Variants in SV2C observed in about 807,000 individuals in gnomAD.
SV2C encodes the protein synaptic vesicle glycoprotein 2C.
In SV2C, 49 loss-of-function variants were observed where a neutral mutation model predicts 79.7. The ratio of observed to expected loss-of-function variants is 0.61; its 90% CI spans 0.49 to 0.78. The LOEUF (loss-of-function observed/expected upper bound fraction) is 0.78. SV2C is among the 30% of genes least tolerant of loss of function. The probability of loss-of-function intolerance (pLI) is 0.00; values close to 1 mark genes in which losing one functional copy is unlikely to be tolerated. For missense variants in SV2C, 833 were observed against 912.9 expected (o/e 0.91, Z 1.13); for synonymous variants, 334 against 333.2 (o/e 1.00, Z -0.03).
At chr5:75,884,951 C>G in the SV2C span, among the ~76,000 whole-genome samples, 2 of 151,936 alleles carry the variant, frequency 1.3e-5, no homozygotes, top group African/African-American at 4.8e-5. Context: ...ATTTAAGATG[C>G]TAAATAACAC....
the SV2C span, among the ~76,000 whole-genome samples, chr5:75,935,159 C>T: frequency 6.6e-6 from 1 of 151,998 alleles, no homozygotes; most frequent in South Asian, 2.1e-4. Context: ...AATAGATATT[C>T]AAAATTGAAT....
At chr5:75,925,293 C>T in the SV2C span, among the ~76,000 whole-genome samples, 1 of 152,168 alleles carries the variant, frequency 6.6e-6, no homozygotes, top group African/African-American at 2.4e-5. Context: ...GGAAAGAATC[C>T]CTCTCTTAGT....
upstream of SV2C, among the ~76,000 whole-genome samples, chr5:76,082,822 G>A (rs917726327): frequency 1.3e-5 from 2 of 152,110 alleles, no homozygotes; most frequent in Admixed American, 1.3e-4. Context: ...CGGGGTGGGG[G>A]CTGGGGGAAG....
intron 12 of SV2C, among the ~76,000 whole-genome samples, chr5:76,315,854 CA>C (rs1234825246): frequency 6.6e-6 from 1 of 152,154 alleles, no homozygotes; most frequent in Non-Finnish European, 1.5e-5. Flanking sequence ...CTCCAGTGTG[CA>C]AAGCATACTT....
chr5:76,167,410 C>T (rs1207701813), intron 2 of SV2C, among the ~76,000 whole-genome samples: 2 of 152,086 alleles, frequency 1.3e-5, no homozygotes, highest in Non-Finnish European at 2.9e-5. Context: ...GGGGGAAAGC[C>T]CCAACCTGCC....
At chr5:75,938,824 C>T in the SV2C span, among the ~76,000 whole-genome samples, 1 of 152,134 alleles carries the variant, frequency 6.6e-6, no homozygotes, top group Non-Finnish European at 1.5e-5. Context: ...ATGTTTCTAA[C>T]TTGAGGACCA....
chr5:76,152,210 A>G (rs940804070), intron 2 of SV2C, among the ~76,000 whole-genome samples: 2 of 152,246 alleles, frequency 1.3e-5, no homozygotes, highest in Non-Finnish European at 2.9e-5. Context: ...CAGATGTCAG[A>G]TGAACTGCTC....
the SV2C span, among the ~76,000 whole-genome samples, chr5:75,959,283 C>A: frequency 3.3e-5 from 5 of 152,054 alleles, no homozygotes; most frequent in South Asian, 6.2e-4. Context: ...GCTCTCTTTG[C>A]ATGCTGCCTG....
At chr5:75,922,567 G>GCACT in the SV2C span, among the ~76,000 whole-genome samples, 1 of 152,230 alleles carries the variant, frequency 6.6e-6, no homozygotes, top group East Asian at 1.9e-4. Context: ...GGCAGAGACT[G>GCACT]CACTTTGTGT....
At chr5:76,342,442 G>A (rs890472169) in intron 12 of SV2C, among the ~76,000 whole-genome samples, 2 of 152,220 alleles carry the variant, frequency 1.3e-5, no homozygotes, top group Non-Finnish European at 2.9e-5. Flanking sequence ...CAAAACGGTG[G>A]TGGAGAAAAT....
At chr5:75,850,652 A>G in the SV2C span, among the ~76,000 whole-genome samples, 1 of 152,134 alleles carries the variant, frequency 6.6e-6, no homozygotes, top group East Asian at 1.9e-4. Context: ...AAAAAAGCAT[A>G]TATATGTATA....
intron 2 of SV2C, among the ~76,000 whole-genome samples, chr5:76,154,392 G>A (rs1742659146): frequency 6.6e-6 from 1 of 152,188 alleles, no homozygotes; most frequent in Non-Finnish European, 1.5e-5. Context: ...TGGGGTCACT[G>A]AGAGCCACAG....
rs182280081 is a variant in SV2C, at chr5:76,118,249, A to G, written c.-101-13401A>G. Among the ~76,000 whole-genome samples, 6 of 152,076 alleles carry G rather than the reference A, an allele frequency of 3.9e-5. No individual in the cohort carries two copies. In the East Asian group the frequency reaches 1.2e-3, roughly 29 times the overall value. On this transcript the variant is annotated intron_variant, in intron 1 of 12. Coordinates refer to ENST00000502798, the MANE Select transcript of SV2C (RefSeq NM_014979.4). ...CTCTAATTTCTGCCTCCATCTTCAC[A>G]TGGTCTTCTCCTTTTGTCTCTGTGT...
chr5:76,236,545 G>A, intron 4 of SV2C, among the ~76,000 whole-genome samples: 1 of 150,358 alleles, frequency 6.7e-6, no homozygotes, highest in Non-Finnish European at 1.5e-5. Context: ...CTGGGCAACA[G>A]AATGAGACCC....
intron 3 of SV2C, among the ~76,000 whole-genome samples, chr5:76,199,077 G>A (rs987904694): frequency 1.3e-5 from 2 of 152,164 alleles, no homozygotes; most frequent in Non-Finnish European, 2.9e-5. Context: ...AAGGCATATC[G>A]TATTTAAACC....
At chr5:75,978,510 G>C in the SV2C span, among the ~76,000 whole-genome samples, 1 of 152,052 alleles carries the variant, frequency 6.6e-6, no homozygotes, top group Non-Finnish European at 1.5e-5. Flanking sequence ...ATTTGAAATT[G>C]GGCTGTGTCT....
At chr5:76,113,933 C>A (rs957222514) in intron 1 of SV2C, among the ~76,000 whole-genome samples, 2 of 152,186 alleles carry the variant, frequency 1.3e-5, no homozygotes, top group South Asian at 2.1e-4. Flanking sequence ...CACACACACA[C>A]ACACACATAT....
At chr5:76,142,445 A>G (rs561248049) in intron 2 of SV2C, among the ~76,000 whole-genome samples, 307 of 152,338 alleles carry the variant, frequency 2.0e-3, no homozygotes, top group African/African-American at 7.1e-3. Context: ...AATACAGATT[A>G]GTTCATCTTT....
chr5:76,004,165 A>G, the SV2C span, among the ~76,000 whole-genome samples: 4 of 152,232 alleles, frequency 2.6e-5, no homozygotes, highest in Non-Finnish European at 1.5e-5. Flanking sequence ...TAATTCCACC[A>G]GCCAGGTGGT....
Sources: gnomAD v4.1 joint callset for allele counts (sites outside exome capture counted in the v4.1 genomes callset) on GRCh38, gnomAD v4.1.1 for gene constraint, MANE v1.5 for transcripts, NCBI Gene and HGNC (gene_info 2026-07-23, HGNC 2026-07-21) for gene names.